The following RBM47 variants were observed in gnomAD, a reference collection of about 807,000 sequenced individuals.
The protein encoded by RBM47 is RNA binding motif protein 47, also known as RNA-binding protein 47.
Under a neutral mutation model 47.1 loss-of-function variants are expected in RBM47, and 21 were observed. The ratio of observed to expected loss-of-function variants is 0.45; its 90% CI spans 0.32 to 0.64. The LOEUF (loss-of-function observed/expected upper bound fraction) is 0.64. RBM47 is among the 30% of genes least tolerant of loss of function. The pLI is 0.05. For synonymous variants in RBM47, 375 were observed against 361.7 expected, an observed-to-expected ratio of 1.04 and a Z score of -0.42; for missense variants, 708 against 870.9, an observed-to-expected ratio of 0.81 and a Z score of 2.35.
At chr4:40,488,236 C>T (rs969516194) in intron 2 of RBM47, among the ~76,000 whole-genome samples, 4 of 151,108 alleles carry the variant, frequency 2.6e-5, no homozygotes, top group Non-Finnish European at 5.9e-5. Flanking sequence ...ATCACTTGAA[C>T]CCGGGAGGCA....
At chr4:40,431,099 A>C (rs1453003310) in intron 6 of RBM47, among the ~76,000 whole-genome samples, 1 of 152,044 alleles carries the variant, frequency 6.6e-6, no homozygotes, top group East Asian at 1.9e-4. Flanking sequence ...AATCAAAAAA[A>C]GTGGCCTGGA....
chr4:40,602,538 C>T (rs1403576055), intron 1 of RBM47, among the ~76,000 whole-genome samples: 1 of 150,884 alleles, frequency 6.6e-6, no homozygotes, highest in East Asian at 2.0e-4. Context: ...GTCCCAGCTA[C>T]TTGGGAGGCT....
At chr4:40,458,156 A>T (rs1169102031) in intron 3 of RBM47, among the ~76,000 whole-genome samples, 1 of 152,208 alleles carries the variant, frequency 6.6e-6, no homozygotes, top group African/African-American at 2.4e-5. Flanking sequence ...ATACATGTAC[A>T]ATATGCACCT....
intron 2 of RBM47, among the ~76,000 whole-genome samples, chr4:40,483,149 A>G (rs1249105960): frequency 1.3e-5 from 2 of 152,252 alleles, no homozygotes; most frequent in East Asian, 1.9e-4. Context: ...AGCGAGGAGT[A>G]TAAGCTCAGG....
Position 40,425,853 on chromosome 4 carries a change from G to A in RBM47, c.*51C>T, listed in dbSNP as rs1479351161. 1 of 1,583,894 alleles carries A rather than the reference G, an allele frequency of 6.3e-7. No homozygotes were observed. The highest frequency in any genetic ancestry group is 1.7e-5 in the Admixed American group (1 of 57,776). On this transcript the variant is annotated 3_prime_UTR_variant, in exon 7 of 7. Coordinates refer to ENST00000295971, the MANE Select transcript of RBM47 (RefSeq NM_001098634.2). The stretch of plus-strand genomic sequence containing the variant: ...ATGTTCCTTCTTCATAAATAGTCAA[G>A]CGTTCCTTCAGTGGTGTTTGTGTGG...
At chr4:40,500,144 G>T (rs73145588) in intron 2 of RBM47, among the ~76,000 whole-genome samples, 1 of 151,896 alleles carries the variant, frequency 6.6e-6, no homozygotes, top group Non-Finnish European at 1.5e-5. Context: ...GTGAAATCCC[G>T]TTCTACTAAA....
At chr4:40,473,014 A>G (rs1455903304) in intron 2 of RBM47, among the ~76,000 whole-genome samples, 1 of 152,174 alleles carries the variant, frequency 6.6e-6, no homozygotes, top group East Asian at 1.9e-4. Context: ...ACATCCAACG[A>G]TGTCCCTCAT....
chr4:40,434,178 A>G lies in RBM47; in HGVS notation c.1331-1316T>C, dbSNP rs185887615. Reference sequence around the variant, plus strand: ...GAGACAAATGATTGTAAGCTAAACAATGGTACAGCCATTCGATAAAATATA... The same window carrying G: ...GAGACAAATGATTGTAAGCTAAACAGTGGTACAGCCATTCGATAAAATATA... On this transcript the variant is annotated intron_variant, in intron 5 of 6. Transcript: ENST00000295971. Among the ~76,000 whole-genome samples the G allele has an allele frequency of 2.6e-5, 4 of 152,304 alleles. No individual in the cohort carries two copies. The East Asian group carries it at 7.7e-4, about 29-fold the overall frequency.
chr4:40,572,560 C>A (rs1347206037), intron 1 of RBM47, among the ~76,000 whole-genome samples: 1 of 151,794 alleles, frequency 6.6e-6, no homozygotes, highest in African/African-American at 2.4e-5. Flanking sequence ...AAACTAAGAA[C>A]AGTTGGTACC....
At chr4:40,629,183 G>A (rs1362273068) in intron 1 of RBM47, among the ~76,000 whole-genome samples, 1 of 152,114 alleles carries the variant, frequency 6.6e-6, no homozygotes, top group Admixed American at 6.6e-5. Context: ...GACTGTATAT[G>A]ATTATCTGCC....
In RBM47 at chr4:40,518,375, C is replaced by T. The variant is rs768295174; in HGVS notation, c.-155+26047G>A. On this transcript the variant is annotated intron_variant, in intron 2 of 6. Coordinates refer to ENST00000295971, the MANE Select transcript of RBM47 (RefSeq NM_001098634.2). ...TATTTTTTTAGAGATGGGGTTTCAC[C>T]GTGTTGGTCAGGCTGGTCTCGAACT... Among the ~76,000 whole-genome samples the T allele has an allele frequency of 8.6e-5, 13 of 151,876 alleles. 1 individual carries two copies. Among genetic ancestry groups the T allele is most frequent in the Admixed American group, 4.6e-4 (7 of 15,214 alleles).
At chr4:40,608,885 T>G (rs978308201) in intron 1 of RBM47, among the ~76,000 whole-genome samples, 1 of 152,194 alleles carries the variant, frequency 6.6e-6, no homozygotes, top group South Asian at 2.1e-4. Flanking sequence ...TTCCTTAGAG[T>G]TGGCCCACTC....
At chr4:40,549,112 G>GGGC (rs60559923) in intron 1 of RBM47, among the ~76,000 whole-genome samples, 1 of 150,746 alleles carries the variant, frequency 6.6e-6, no homozygotes, top group African/African-American at 2.4e-5. Flanking sequence ...TTTTTTTTGG[G>GGGC]GGGGGGGACA....
intron 1 of RBM47, among the ~76,000 whole-genome samples, chr4:40,550,184 GACCATAAATTT>G (rs368142638): frequency 7.2e-4 from 109 of 152,230 alleles, no homozygotes; most frequent in Admixed American, 1.4e-3. Flanking sequence ...TCCTACACAA[GACCATAAATTT>G]TGTGCATGAT....
intron 1 of RBM47, among the ~76,000 whole-genome samples, chr4:40,618,822 AAAAAAAAAAAAAG>A (rs1228455342): frequency 6.6e-6 from 1 of 150,782 alleles, no homozygotes; most frequent in South Asian, 2.1e-4. Context: ...AAAAAAAAAA[AAAAAAAAAAAAAG>A]GGAAACTTCC....
At chr4:40,434,962 C>A (rs1348108110) in intron 5 of RBM47, among the ~76,000 whole-genome samples, 1 of 152,114 alleles carries the variant, frequency 6.6e-6, no homozygotes, top group Non-Finnish European at 1.5e-5. Context: ...CAATTACCCA[C>A]GGACTGAGCT....
intron 2 of RBM47, among the ~76,000 whole-genome samples, chr4:40,528,386 C>G (rs552655877): frequency 2.7e-4 from 40 of 147,304 alleles, no homozygotes; most frequent in South Asian, 2.2e-4. Context: ...TGCAGCCTGG[C>G]GACAGAGTGA....
In RBM47 at chr4:40,438,049, T is replaced by C; in HGVS notation, c.845A>G (p.Asp282Gly). The stretch of plus-strand genomic sequence containing the variant: ...GCTGGTGAAGTGCACGAAGGCGTAG[T>C]CGCGGATCTTCTTGACGCGCTCCAC... ...GCVERVKKIR[D>G]YAFVHFTSRE... Residue 282 changes from aspartate to glycine, a missense_variant, in exon 4 of 7, where the codon GAC (aspartate) becomes GGC (glycine). Asp to Gly is a moderately conservative substitution (Grantham distance 94, BLOSUM62 -1). Coordinates refer to ENST00000295971, the MANE Select transcript of RBM47 (RefSeq NM_001098634.2). 6.2e-7 allele frequency: 1 copy of C among 1,613,570 alleles called. No individual in the cohort carries two copies. Among genetic ancestry groups the C allele is most frequent in the East Asian group, 2.2e-5 (1 of 44,844 alleles).
At chr4:40,574,249 A>C (rs1449777865) in intron 1 of RBM47, among the ~76,000 whole-genome samples, 1 of 152,218 alleles carries the variant, frequency 6.6e-6, no homozygotes, top group Non-Finnish European at 1.5e-5. Context: ...TATTTCAGAA[A>C]TAGACTGGGT....
Sources: gnomAD v4.1 joint callset for allele counts (sites outside exome capture counted in the v4.1 genomes callset) on GRCh38, gnomAD v4.1.1 for gene constraint, MANE v1.5 for transcripts, NCBI Gene and HGNC (gene_info 2026-07-23, HGNC 2026-07-21) for gene names.